Variants in GRIK4 observed in about 807,000 individuals in gnomAD.
GRIK4 encodes glutamate receptor ionotropic, kainate 4.
GRIK4 carries 40 observed loss-of-function variants against 104.9 expected under a neutral mutation model. That is an observed-to-expected ratio of 0.38 (90% CI 0.30 to 0.50). GRIK4 has a LOEUF of 0.50. GRIK4 is among the 20% of genes least tolerant of loss of function. The pLI is 0.93. For synonymous variants in GRIK4, 485 were observed against 524.9 expected (o/e 0.92, Z 1.04); for missense variants, 1,047 against 1,308.1 (o/e 0.80, Z 3.08).
chr11:120,620,006 G>A (rs1949165475), intron 1 of GRIK4: 5 of 525,046 alleles, frequency 9.5e-6, no homozygotes, highest in East Asian at 5.9e-5. Flanking sequence ...GGGAATCTCG[G>A]TGGAGCTGTT....
intron 3 of GRIK4, among the ~76,000 whole-genome samples, chr11:120,796,841 C>T (rs999665991): frequency 2.7e-5 from 4 of 150,850 alleles, no homozygotes; most frequent in African/African-American, 9.8e-5. Flanking sequence ...TATGCCCTCT[C>T]GGGGTCGCCA....
At chr11:120,814,626 G>T (rs1297195427) in intron 4 of GRIK4, among the ~76,000 whole-genome samples, 1 of 152,086 alleles carries the variant, frequency 6.6e-6, no homozygotes, top group Non-Finnish European at 1.5e-5. Flanking sequence ...ATAAGCCCAG[G>T]AAGGTCTAAG....
At chr11:120,807,987 A>G (rs948366196) in intron 4 of GRIK4, among the ~76,000 whole-genome samples, 5 of 152,204 alleles carry the variant, frequency 3.3e-5, no homozygotes, top group Non-Finnish European at 7.3e-5. Flanking sequence ...AGAGCAGGCT[A>G]TGGGGTCAGG....
chr11:120,929,452 G>A (rs1943433293), intron 13 of GRIK4, among the ~76,000 whole-genome samples: 1 of 152,154 alleles, frequency 6.6e-6, no homozygotes, highest in South Asian at 2.1e-4. Context: ...CTCAATAGGT[G>A]CGGGTGGGAG....
In GRIK4 at chr11:120,634,998, C is replaced by G. The variant is rs529741675; in HGVS notation, c.-158-18687C>G. ...GAGCAAAGCCTGGGAGAAGACAGAC[C>G]AGGGAGGCCAGAGGACCTTGAGCAG... On this transcript the variant is annotated intron_variant, in intron 1 of 20. Coordinates refer to ENST00000527524, the MANE Select transcript of GRIK4 (RefSeq NM_014619.5). 1.5e-3 allele frequency among the ~76,000 whole-genome samples: 231 copies of G among 152,286 alleles called. 1 individual carries two copies. Among genetic ancestry groups the G allele is most frequent in the Non-Finnish European group, 4.3e-4 (29 of 68,014 alleles).
intron 3 of GRIK4, among the ~76,000 whole-genome samples, chr11:120,700,884 C>T (rs935129262): frequency 6.6e-6 from 1 of 152,182 alleles, no homozygotes; most frequent in Non-Finnish European, 1.5e-5. Context: ...TGAGCCATCG[C>T]AGCCGGCCAT....
intron 3 of GRIK4, among the ~76,000 whole-genome samples, chr11:120,676,103 C>G (rs568234988): frequency 6.6e-6 from 1 of 152,254 alleles, no homozygotes; most frequent in African/African-American, 2.4e-5. Context: ...TGCTGGCTGT[C>G]AGCTGAGAGC....
intron 13 of GRIK4, among the ~76,000 whole-genome samples, chr11:120,924,859 G>C (rs1335403079): frequency 6.6e-6 from 1 of 152,220 alleles, no homozygotes; most frequent in Non-Finnish European, 1.5e-5. Context: ...CAGAGGTTCA[G>C]AACAATGTCT....
intron 4 of GRIK4, among the ~76,000 whole-genome samples, chr11:120,812,707 A>G (rs1033225775): frequency 1.3e-5 from 2 of 152,224 alleles, no homozygotes; most frequent in Non-Finnish European, 2.9e-5. Flanking sequence ...TCAGACTCCA[A>G]GCTCTTACAG....
chr11:120,769,261 G>C (rs1321786015), intron 3 of GRIK4, among the ~76,000 whole-genome samples: 1 of 151,508 alleles, frequency 6.6e-6, no homozygotes, highest in Non-Finnish European at 1.5e-5. Context: ...ATTCAATCTT[G>C]GTAGGTTACA....
intron 13 of GRIK4, among the ~76,000 whole-genome samples, chr11:120,928,114 C>G (rs535235578): frequency 6.6e-6 from 1 of 150,676 alleles, no homozygotes; most frequent in East Asian, 2.0e-4. Flanking sequence ...ACTCGGGAGG[C>G]TGAGGCAGGA....
intron 1 of GRIK4, among the ~76,000 whole-genome samples, chr11:120,533,097 A>G (rs1947938771): frequency 6.6e-6 from 1 of 152,190 alleles, no homozygotes; most frequent in Non-Finnish European, 1.5e-5. Context: ...CAGATGTGGC[A>G]GCATGGAAGG....
chr11:120,779,813 C>T (rs1952115957), intron 3 of GRIK4, among the ~76,000 whole-genome samples: 1 of 152,226 alleles, frequency 6.6e-6, no homozygotes, highest in African/African-American at 2.4e-5. Context: ...TTCTACATCA[C>T]TTAGCACATG....
chr11:120,686,547 A>C (rs1364460330), intron 3 of GRIK4, among the ~76,000 whole-genome samples: 1 of 152,240 alleles, frequency 6.6e-6, no homozygotes, highest in Non-Finnish European at 1.5e-5. Context: ...AGGGAAGCTC[A>C]CAAGTCCTGC....
chr11:120,759,376 G>A (rs1951706238), intron 3 of GRIK4, among the ~76,000 whole-genome samples: 1 of 152,204 alleles, frequency 6.6e-6, no homozygotes, highest in African/African-American at 2.4e-5. Context: ...GTGGCTCAGG[G>A]ACATCAGATT....
intron 3 of GRIK4, among the ~76,000 whole-genome samples, chr11:120,674,815 C>T (rs535412253): frequency 6.6e-6 from 1 of 152,354 alleles, no homozygotes; most frequent in East Asian, 1.9e-4. Flanking sequence ...TGTTATGGAG[C>T]TGCTCCAAGG....
At chr11:120,715,052 G>A (rs1422461869) in intron 3 of GRIK4, among the ~76,000 whole-genome samples, 2 of 152,180 alleles carry the variant, frequency 1.3e-5, no homozygotes, top group Non-Finnish European at 2.9e-5. Flanking sequence ...CACTGGAGGT[G>A]TCCACCCTGT....
intron 9 of GRIK4, chr11:120,871,447 G>C (rs1212396978): frequency 2.7e-6 from 1 of 368,224 alleles, no homozygotes; most frequent in South Asian, 2.1e-5. Flanking sequence ...GCAGAGAAGA[G>C]AGAGTAGAAG....
At position 120,952,746 on chromosome 11, in the gene GRIK4, G is replaced by T; in HGVS notation, c.1591-109G>T. On this transcript the variant is annotated intron_variant, in intron 14 of 20. Coordinates refer to ENST00000527524, the MANE Select transcript of GRIK4 (RefSeq NM_014619.5). This position sits in a 1 kb window ranked among gnomAD's most constrained non-coding sequence, Gnocchi z 5.2. ...AATCACCCAGAACCCACAGAAATGG[G>T]AACTGGGGCCAGACCCACACTCACT... The T allele has an allele frequency of 1.3e-6, 1 of 778,710 alleles. No homozygotes were observed. Among genetic ancestry groups the T allele is most frequent in the South Asian group, 1.4e-5 (1 of 72,770 alleles). 48.2% of individuals were successfully genotyped at this position (778,710 alleles called of 1,614,324 possible).
Sources: gnomAD v4.1 joint callset for allele counts (sites outside exome capture counted in the v4.1 genomes callset) on GRCh38, gnomAD v4.1.1 for gene constraint, Gnocchi (gnomAD v3.1) non-coding constraint, MANE v1.5 for transcripts, NCBI Gene and HGNC (gene_info 2026-07-23, HGNC 2026-07-21) for gene names.